Variants in ENG observed in about 807,000 individuals in gnomAD.
The protein encoded by ENG is endoglin.
ENG carries 17 observed loss-of-function variants against 71.0 expected under a neutral mutation model. The observed-to-expected ratio is 0.24, with a 90% CI of 0.16 to 0.36. The LOEUF (loss-of-function observed/expected upper bound fraction) is 0.36, where lower values mean the gene tolerates loss of function less well. Ranked by LOEUF, ENG falls within the 10% of genes least tolerant of loss-of-function variation. The pLI is 1.00. For missense variants in ENG, 749 were observed against 868.3 expected (o/e 0.86, Z 1.73); for synonymous variants, 360 against 366.9 (o/e 0.98, Z 0.21).
intron 8 of ENG, 74 bp downstream of exon 8, chr9:127,824,230 C>T (rs1830543157): frequency 1.2e-6 from 2 of 1,611,526 alleles, no homozygotes; most frequent in Admixed American, 3.3e-5. Context: ...GGGCTAGGAC[C>T]CCAAGAGTCT....
chr9:127,821,077 A>G (rs1455705356), intron 8 of ENG: 2 of 152,124 alleles, frequency 1.3e-5, no homozygotes, highest in South Asian at 2.1e-4. Context: ...AAAAATTTCT[A>G]TTGCCTAGTG....
chr9:127,825,577 G>A (rs1029287096), intron 5 of ENG, 118 bp downstream of exon 5: 21 of 1,253,678 alleles, frequency 1.7e-5, no homozygotes, highest in Admixed American at 7.1e-5. Context: ...GGGCTGCGGC[G>A]GGGCTGGGGC....
intron 3 of ENG, among the ~76,000 whole-genome samples, chr9:127,829,105 T>G (rs926088612): frequency 3.3e-5 from 5 of 152,312 alleles, no homozygotes; most frequent in Non-Finnish European, 7.4e-5. Context: ...TTGTTTTTAA[T>G]TGTTTTTCCC....
At chr9:127,826,752 T>C in intron 3 of ENG, 80 bp from the exon 4 acceptor site, 1 of 1,565,720 alleles carries the variant, frequency 6.4e-7, no homozygotes, top group South Asian at 1.1e-5. Flanking sequence ...CAGGAAGTAA[T>C]TTGTGGAGTC....
chr9:127,837,556 C>T (rs1830928387), intron 2 of ENG, among the ~76,000 whole-genome samples: 1 of 152,140 alleles, frequency 6.6e-6, no homozygotes, highest in African/African-American at 2.4e-5. Flanking sequence ...CTTCTGTGTT[C>T]TCAAAGGACA....
chr9:127,851,554 A>T (rs1831286546), intron 1 of ENG, among the ~76,000 whole-genome samples: 1 of 152,024 alleles, frequency 6.6e-6, no homozygotes, highest in Non-Finnish European at 1.5e-5. Flanking sequence ...GAAAACAAAA[A>T]AACCCAACAT....
Position 127,835,382 on chromosome 9 carries a change from C to CGT in ENG, c.220-5556_220-5555insAC, listed in dbSNP as rs538796422. On this transcript the variant is annotated intron_variant, in intron 2 of 14. Coordinates refer to ENST00000373203, the MANE Select transcript of ENG (RefSeq NM_001114753.3). ...CCCTGGACCATGTCCTCCCTCTCAA[C>CGT]TGCACCTCTCTCCCAGATTGCCCTA... Among the ~76,000 whole-genome samples, 23 of 152,330 alleles carry CGT rather than the reference C, an allele frequency of 1.5e-4. No individual in the cohort carries two copies. The East Asian group carries it at 4.0e-3, about 27-fold the overall frequency.
At chr9:127,818,466 G>A (rs540809398) in intron 11 of ENG, 89 bp from the exon 12 acceptor site, 2 of 1,576,512 alleles carry the variant, frequency 1.3e-6, no homozygotes, top group Admixed American at 1.8e-5. Flanking sequence ...AGAATTAAGA[G>A]TTCCCACCCC....
In ENG at chr9:127,818,756, G is replaced by A. The variant is rs761065794; in HGVS notation, c.1388C>T (p.Ala463Val). Residue 463 changes from alanine (A) to valine (V), a missense_variant, in exon 11 of 15, where the codon GCC (alanine) becomes GTC (valine). Physicochemically the swap from Ala to Val is moderately conservative, Grantham distance 64 (BLOSUM62 0). Transcript: ENST00000373203. ...CTGCCCCGGCTCGATGGTGTTGGAG[G>A]CCTGGAGGAAGTGTGGGCTGAGGTA... ...GLYLSPHFLQ[A>V]SNTIEPGQQS... 3 of 1,614,136 alleles carry A rather than the reference G, an allele frequency of 1.9e-6. No homozygotes were observed. In the Admixed American group the frequency reaches 5.0e-5, roughly 27 times the overall value.
At chr9:127,817,278 C>T in intron 12 of ENG, 75 bp from the exon 13 acceptor site, 3 of 1,466,912 alleles carry the variant, frequency 2.0e-6, no homozygotes, top group Admixed American at 1.7e-5. Context: ...GCTCCGTGAC[C>T]CCAGCCCACC....
intron 1 of ENG, among the ~76,000 whole-genome samples, chr9:127,851,099 C>T (rs1323777236): frequency 1.3e-5 from 2 of 152,104 alleles, no homozygotes; most frequent in Non-Finnish European, 2.9e-5. Flanking sequence ...ACTAACGGTA[C>T]CTGTATCAAT....
intron 12 of ENG, chr9:127,817,855 C>CGGGT (rs1017353074): frequency 2.9e-5 from 17 of 576,416 alleles, no homozygotes; most frequent in African/African-American, 2.8e-4. Flanking sequence ...GATGGACGGA[C>CGGGT]GGGTAAGTGA....
At position 127,829,710 on chromosome 9, in the gene ENG, C is replaced by T. The variant is rs996469314; in HGVS notation, c.337G>A (p.Gly113Arg). The change falls in exon 3 of 15, where the codon GGA becomes AGA. Residue 113 changes from glycine (G) to arginine (R), a missense_variant. Transcript: ENST00000373203. The part of the protein sequence containing the change: ...SSVFLHLQAL[G>R]IPLHLAYNSS... Reference sequence around the variant, plus strand: ...ACGTAGGCCAAGTGCAGTGGGATTCCCAGGGCCTGGAGATGCAGGAAGACA... The same window carrying T: ...ACGTAGGCCAAGTGCAGTGGGATTCTCAGGGCCTGGAGATGCAGGAAGACA... The T allele has an allele frequency of 1.2e-5, 19 of 1,613,924 alleles. No individual in the cohort carries two copies. Among genetic ancestry groups the T allele is most frequent in the Non-Finnish European group, 1.6e-5 (19 of 1,180,008 alleles).
chr9:127,835,903 C>T (rs1235420211), intron 2 of ENG, among the ~76,000 whole-genome samples: 1 of 152,204 alleles, frequency 6.6e-6, no homozygotes, highest in Non-Finnish European at 1.5e-5. Flanking sequence ...AAAGCTACCA[C>T]TCAGTTGTCA....
Position 127,817,996 on chromosome 9 carries a change from C to A in ENG, c.1686+124G>T, listed in dbSNP as rs41512648. 5.0e-3 allele frequency: 7,559 copies of A among 1,514,674 alleles called. 327 individuals carry two copies. The African/African-American group carries it at 0.092, about 18-fold the overall frequency. The allele number at this position is 1,514,674 out of a possible 1,614,324, so 93.8% of individuals were successfully genotyped here. A position where few individuals can be genotyped will look rare whatever the true frequency, so the allele number is the denominator to read the frequency against. ...GGCAGCCAGACTGCCAGGCCACATG[C>A]CTGATTAAGGCTCCGCCCCTCACCA... is the stretch of plus-strand genomic sequence containing the variant. On this transcript the variant is annotated intron_variant, in intron 12 of 14. Coordinates refer to ENST00000373203, the MANE Select transcript of ENG (RefSeq NM_001114753.3).
At chr9:127,819,488 G>T in intron 10 of ENG, 134 bp downstream of exon 10, 1 of 1,194,890 alleles carries the variant, frequency 8.4e-7, no homozygotes, top group Non-Finnish European at 1.2e-6. Flanking sequence ...TACAGAAGGG[G>T]AGACCGAGGC....
At chr9:127,840,852 G>A (rs1279366595) in intron 2 of ENG, among the ~76,000 whole-genome samples, 1 of 152,218 alleles carries the variant, frequency 6.6e-6, no homozygotes, top group Non-Finnish European at 1.5e-5. Flanking sequence ...GAGGCTAACA[G>A]GGAGATTTTG....
chr9:127,853,580 G>A (rs1296425873), intron 1 of ENG, among the ~76,000 whole-genome samples: 1 of 152,216 alleles, frequency 6.6e-6, no homozygotes, highest in Non-Finnish European at 1.5e-5. Flanking sequence ...ACCCACTCCT[G>A]CACCCTTTCT....
intron 10 of ENG, chr9:127,819,146 C>T: frequency 2.7e-6 from 1 of 367,500 alleles, no homozygotes. Context: ...ACCATGTTAG[C>T]CAGGATGGTC....
Sources: gnomAD v4.1 joint callset for allele counts (sites outside exome capture counted in the v4.1 genomes callset) on GRCh38, gnomAD v4.1.1 for gene constraint, MANE v1.5 for transcripts, NCBI Gene and HGNC (gene_info 2026-07-23, HGNC 2026-07-21) for gene names.